Variants in IFT88 observed in about 807,000 individuals in gnomAD.
IFT88 encodes the protein intraflagellar transport protein 88 homolog.
Under a neutral mutation model 119.5 loss-of-function variants are expected in IFT88, and 74 were observed. That is an observed-to-expected ratio of 0.62 (90% CI 0.51 to 0.75). The LOEUF (loss-of-function observed/expected upper bound fraction) is 0.75, where lower values mean the gene tolerates loss of function less well. IFT88 is among the 30% of genes least tolerant of loss of function. The pLI, the probability that IFT88 is intolerant of heterozygous loss-of-function variation, is 0.00. For missense variants in IFT88, 961 were observed against 977.7 expected (o/e 0.98, Z 0.23); for synonymous variants, 279 against 316.7 (o/e 0.88, Z 1.26).
chr13:20,589,861 A>G lies in IFT88; in HGVS notation c.204A>G (p.Gly68=). 6.3e-7 allele frequency: 1 copy of G among 1,592,286 alleles called. No homozygotes were observed. The change falls in exon 4 of 26, where the codon GGA becomes GGG. Residue 68 remains glycine, a synonymous_variant. Coordinates refer to ENST00000351808, the MANE Select transcript of IFT88 (RefSeq NM_006531.5). ...STAVTRPIAT[G]YGSKTSLASS... is the part of the protein sequence containing the mutation. ...CAGTTACTAGACCTATAGCTACTGGATATGGGGTAGGTTTTTGTAAGCTGA... is the reference window on the plus strand; with the variant it reads ...CAGTTACTAGACCTATAGCTACTGGGTATGGGGTAGGTTTTTGTAAGCTGA...
At chr13:20,644,984 T>C (rs748748141) in intron 20 of IFT88, 26 bp downstream of exon 20, 1 of 1,075,272 alleles carries the variant, frequency 9.3e-7, no homozygotes, top group South Asian at 1.4e-5. Context: ...GATTTTATGT[T>C]TAGTTAATGT....
At chr13:20,666,299 T>G (rs1399264173) in intron 23 of IFT88, among the ~76,000 whole-genome samples, 1 of 152,220 alleles carries the variant, frequency 6.6e-6, no homozygotes, top group Non-Finnish European at 1.5e-5. Context: ...GTCACTGACA[T>G]TACTAGAAAA....
chr13:20,585,898 C>T (rs919729961), intron 3 of IFT88, among the ~76,000 whole-genome samples: 2 of 152,164 alleles, frequency 1.3e-5, no homozygotes. Flanking sequence ...GCTCTGAGTC[C>T]TTGCACTAGG....
At chr13:20,667,659 G>A (rs550640378) in intron 23 of IFT88, among the ~76,000 whole-genome samples, 39 of 148,978 alleles carry the variant, frequency 2.6e-4, no homozygotes, top group African/African-American at 8.7e-4. Context: ...GGTCAGGCTG[G>A]TCTTGAACTC....
At chr13:20,601,599 AACGAAGTAAAGTGGGAG>A (rs1423203869) in intron 11 of IFT88, 89 bp from the exon 12 acceptor site, 1 of 654,630 alleles carries the variant, frequency 1.5e-6, no homozygotes, top group Non-Finnish European at 2.6e-6. Context: ...ACAAAACAAA[AACGAAGTAAAGTGGGAG>A]ACGAAAAAAG....
At position 20,691,094 on chromosome 13, in the gene IFT88, A is replaced by C; in HGVS notation, c.2394A>C (p.Arg798=). Residue 798 remains arginine (R), a synonymous_variant, in exon 26 of 26, where the codon CGA becomes CGC. Transcript: ENST00000351808. ...YVDPLGPQIE[R]PKTAAKKRID... ...ACCCACTTGGCCCTCAAATAGAACG[A>C]CCAAAAACTGCAGCCAAGAAAAGGA... 3 of 1,614,036 alleles carry C rather than the reference A, an allele frequency of 1.9e-6. No homozygotes were observed. Among genetic ancestry groups the C allele is most frequent in the Non-Finnish European group, 2.5e-6 (3 of 1,179,942 alleles).
At chr13:20,663,433 T>G (rs1483725772) in intron 22 of IFT88, 65 bp from the exon 23 acceptor site, 1 of 1,586,292 alleles carries the variant, frequency 6.3e-7, no homozygotes, top group Admixed American at 1.8e-5. Context: ...GTTCACTGAT[T>G]TATTGAGCTT....
chr13:20,660,711 A>C (rs889669429), intron 22 of IFT88, among the ~76,000 whole-genome samples: 3 of 152,166 alleles, frequency 2.0e-5, no homozygotes, highest in African/African-American at 7.2e-5. Flanking sequence ...TAATTGCACA[A>C]ATATAGCTCT....
chr13:20,663,387 G>A (rs1386999460), intron 22 of IFT88, 111 bp from the exon 23 acceptor site: 1 of 1,539,568 alleles, frequency 6.5e-7, no homozygotes, highest in South Asian at 1.2e-5. Flanking sequence ...AATACTATTT[G>A]TAAGCATCAT....
At chr13:20,657,289 A>G (rs2052992501) in intron 22 of IFT88, among the ~76,000 whole-genome samples, 1 of 152,240 alleles carries the variant, frequency 6.6e-6, no homozygotes, top group South Asian at 2.1e-4. Flanking sequence ...TGCAACTTAC[A>G]GTAATAATGT....
chr13:20,666,282 C>G (rs888336711), intron 23 of IFT88, among the ~76,000 whole-genome samples: 5 of 152,190 alleles, frequency 3.3e-5, no homozygotes, highest in African/African-American at 9.6e-5. Context: ...TTATTTTTTG[C>G]CAGTCTGTCA....
chr13:20,567,228 T>A lies in IFT88; in HGVS notation c.-35T>A, dbSNP rs2034983104. On this transcript the variant is annotated 5_prime_UTR_variant, in exon 1 of 26. Coordinates refer to ENST00000351808, the MANE Select transcript of IFT88 (RefSeq NM_006531.5). ...CCGCTGCGTCGTCCCTGGGCCCGAA[T>A]AACTGTCGCCCGCTTCCCTCAGCGT... The A allele has an allele frequency of 6.6e-6, 1 of 152,274 alleles. No homozygotes were observed. Among genetic ancestry groups the A allele is most frequent in the Non-Finnish European group, 1.5e-5 (1 of 68,094 alleles). 9.4% of individuals were successfully genotyped at this position (152,274 alleles called of 1,614,324 possible).
At chr13:20,686,188 G>A (rs2057898240) in intron 24 of IFT88, among the ~76,000 whole-genome samples, 1 of 152,220 alleles carries the variant, frequency 6.6e-6, no homozygotes. Context: ...ACAGCTTTGA[G>A]AGATGATATA....
chr13:20,606,191 G>A (rs575155096), intron 13 of IFT88, among the ~76,000 whole-genome samples: 1 of 152,250 alleles, frequency 6.6e-6, no homozygotes, highest in Admixed American at 6.5e-5. Flanking sequence ...TCTGATGTCA[G>A]TGGATGACAC....
At chr13:20,684,550 A>G (rs1365676007) in intron 24 of IFT88, among the ~76,000 whole-genome samples, 1 of 152,210 alleles carries the variant, frequency 6.6e-6, no homozygotes, top group African/African-American at 2.4e-5. Context: ...GAATATCCTC[A>G]GCACCATCGT....
intron 24 of IFT88, among the ~76,000 whole-genome samples, chr13:20,672,682 A>G (rs1006631714): frequency 1.3e-5 from 2 of 152,346 alleles, no homozygotes; most frequent in Middle Eastern, 3.4e-3. Context: ...AGCAAGATGT[A>G]TTAGCCATGT....
intron 21 of IFT88, among the ~76,000 whole-genome samples, chr13:20,654,265 A>G (rs1276634222): frequency 1.3e-5 from 2 of 152,222 alleles, no homozygotes; most frequent in African/African-American, 2.4e-5. Flanking sequence ...AGTTAATTCT[A>G]AATGTCCTGT....
intron 24 of IFT88, among the ~76,000 whole-genome samples, chr13:20,689,353 T>TA (rs2058265002): frequency 6.6e-6 from 1 of 152,254 alleles, no homozygotes; most frequent in African/African-American, 2.4e-5. Flanking sequence ...GTTTTGTTGG[T>TA]AATTTACATC....
intron 13 of IFT88, among the ~76,000 whole-genome samples, chr13:20,612,912 C>A (rs1449158992): frequency 6.6e-6 from 1 of 152,144 alleles, no homozygotes; most frequent in Non-Finnish European, 1.5e-5. Flanking sequence ...TGAAGTTGTA[C>A]ATCTCTTTCA....
Sources: gnomAD v4.1 joint callset for allele counts (sites outside exome capture counted in the v4.1 genomes callset) on GRCh38, gnomAD v4.1.1 for gene constraint, MANE v1.5 for transcripts, NCBI Gene and HGNC (gene_info 2026-07-23, HGNC 2026-07-21) for gene names.